The following ELAPOR2 variants were observed in gnomAD, a reference collection of about 807,000 sequenced individuals.
The protein encoded by ELAPOR2 is endosome-lysosome associated apoptosis and autophagy regulator family member 2, also known as endosome/lysosome-associated apoptosis and autophagy regulator family member 2.
A neutral mutation model predicts 120.7 loss-of-function variants in ELAPOR2; 89 were observed. That is an observed-to-expected ratio of 0.74 (90% confidence interval 0.62 to 0.88). ELAPOR2 has a LOEUF of 0.88. Ranked by LOEUF, ELAPOR2 falls within the 40% of genes least tolerant of loss-of-function variation. The pLI, the probability that ELAPOR2 is intolerant of heterozygous loss-of-function variation, is 0.00. For missense variants in ELAPOR2, 1,134 were observed against 1,251.6 expected (o/e 0.91, Z 1.42); for synonymous variants, 444 against 444.9 (o/e 1.00, Z 0.03).
intron 2 of ELAPOR2, among the ~76,000 whole-genome samples, chr7:86,950,006 T>A (rs565642950): frequency 6.6e-6 from 1 of 152,042 alleles, no homozygotes; most frequent in Non-Finnish European, 1.5e-5. Context: ...GTGGTGCTTT[T>A]TCCCCCCAGA....
At chr7:86,947,549 T>C (rs1174207760) in intron 3 of ELAPOR2, among the ~76,000 whole-genome samples, 178 bp downstream of exon 3, 1 of 152,224 alleles carries the variant, frequency 6.6e-6, no homozygotes, top group Non-Finnish European at 1.5e-5. Flanking sequence ...CTGAGGGCAA[T>C]GATTTTAACC....
intron 1 of ELAPOR2, among the ~76,000 whole-genome samples, chr7:87,009,847 T>C (rs1793596948): frequency 6.6e-6 from 1 of 152,182 alleles, no homozygotes; most frequent in South Asian, 2.1e-4. Context: ...ACAACGAGGG[T>C]TATTTGTATG....
At chr7:86,971,524 G>A (rs980549231) in intron 1 of ELAPOR2, among the ~76,000 whole-genome samples, 1 of 152,106 alleles carries the variant, frequency 6.6e-6, no homozygotes, top group Non-Finnish European at 1.5e-5. Flanking sequence ...ATATCTTATT[G>A]TATAAGACAG....
intron 18 of ELAPOR2, among the ~76,000 whole-genome samples, chr7:86,898,428 G>A (rs1407186576): frequency 3.9e-5 from 6 of 152,038 alleles, no homozygotes; most frequent in African/African-American, 7.2e-5. Flanking sequence ...TGACTGCGGT[G>A]GTGGTTGCCC....
chr7:86,912,188 A>G lies in ELAPOR2; in HGVS notation c.2053T>C (p.Leu685=). The change falls in exon 15 of 22, where the codon TTG becomes CTG. Residue 685 remains leucine (L), a synonymous_variant. Transcript: ENST00000450689. Reference sequence around the variant, plus strand: ...CTGAGGTTGCTAAAGTCATAGTGCAAACTCTGATTTTCTTTTTCATGGTAG... The same window carrying G: ...CTGAGGTTGCTAAAGTCATAGTGCAGACTCTGATTTTCTTTTTCATGGTAG... ...FFYHEKENQS[L]HYDFSNLSSV... is the part of the protein sequence containing the mutation. 1 of 1,609,902 alleles carries G rather than the reference A, an allele frequency of 6.2e-7. No homozygotes were observed. The highest frequency in any genetic ancestry group is 8.5e-7 in the Non-Finnish European group (1 of 1,176,594).
At chr7:86,908,118 AAT>A (rs1364029308) in intron 17 of ELAPOR2, among the ~76,000 whole-genome samples, 3 of 151,040 alleles carry the variant, frequency 2.0e-5, no homozygotes, top group Non-Finnish European at 4.4e-5. Context: ...GAGACAATGA[AAT>A]AGAGTCTCTT....
intron 12 of ELAPOR2, among the ~76,000 whole-genome samples, chr7:86,917,827 A>G (rs1789635432): frequency 6.6e-6 from 1 of 152,116 alleles, no homozygotes; most frequent in Admixed American, 6.6e-5. Flanking sequence ...CACAAAAACA[A>G]AGCAGGTCTG....
chr7:86,970,464 G>T (rs942637034), intron 1 of ELAPOR2, among the ~76,000 whole-genome samples: 1 of 152,106 alleles, frequency 6.6e-6, no homozygotes, highest in African/African-American at 2.4e-5. Context: ...AAAGGCTTCC[G>T]AATTTAAGTG....
At chr7:86,948,938 A>C (rs1319822134) in intron 2 of ELAPOR2, among the ~76,000 whole-genome samples, 1 of 152,222 alleles carries the variant, frequency 6.6e-6, no homozygotes. Flanking sequence ...CAGAGTGTAA[A>C]GCAGCAAAGT....
At chr7:87,006,749 A>G (rs1485670177) in intron 1 of ELAPOR2, among the ~76,000 whole-genome samples, 1 of 152,204 alleles carries the variant, frequency 6.6e-6, no homozygotes, top group East Asian at 1.9e-4. Context: ...AGACTTGTAC[A>G]AAAATATTCA....
At chr7:86,963,380 G>GT (rs1350612297) in intron 2 of ELAPOR2, among the ~76,000 whole-genome samples, 1 of 152,168 alleles carries the variant, frequency 6.6e-6, no homozygotes, top group Non-Finnish European at 1.5e-5. Flanking sequence ...AATGTAATCA[G>GT]TGCTATGCTG....
At chr7:86,913,356 G>C in intron 13 of ELAPOR2, 152 bp from the exon 14 acceptor site, 1 of 740,056 alleles carries the variant, frequency 1.4e-6, no homozygotes, top group South Asian at 2.1e-5. Flanking sequence ...CTGCTATTTG[G>C]TTCTTCTTTT....
chr7:86,896,901 C>T (rs1484892961), intron 19 of ELAPOR2, among the ~76,000 whole-genome samples: 1 of 151,966 alleles, frequency 6.6e-6, no homozygotes, highest in Admixed American at 6.6e-5. Context: ...TTCCTTCAGA[C>T]GTTTGCTACA....
rs929019845 is a variant in ELAPOR2, at chr7:86,877,738, A to G, written c.*2733T>C. 4 of 152,184 alleles carry G rather than the reference A, an allele frequency of 2.6e-5. No individual in the cohort carries two copies. The highest frequency in any genetic ancestry group is 4.4e-5 in the Non-Finnish European group (3 of 68,032). The allele number at this position is 152,184 out of a possible 1,614,324, so 9.4% of individuals were successfully genotyped here. ...ACCCCAGATGCTAAAGACTGGACCC[A>G]AGTAATTCTTCCACATAATCAATTT... On this transcript the variant is annotated 3_prime_UTR_variant, in exon 22 of 22. Transcript: ENST00000450689.
At chr7:86,923,156 C>A (rs1789901864) in intron 10 of ELAPOR2, among the ~76,000 whole-genome samples, 1 of 151,832 alleles carries the variant, frequency 6.6e-6, no homozygotes, top group African/African-American at 2.4e-5. Context: ...AATATTACCC[C>A]TTTGAGGTAA....
chr7:87,022,973 T>C (rs1794110474), intron 1 of ELAPOR2, among the ~76,000 whole-genome samples: 1 of 152,232 alleles, frequency 6.6e-6, no homozygotes, highest in Admixed American at 6.5e-5. Context: ...TTCTGGATAT[T>C]AACCCTTTGT....
chr7:86,942,067 G>A lies in ELAPOR2; in HGVS notation c.692C>T (p.Thr231Ile), dbSNP rs951104320. 1.9e-6 allele frequency: 3 copies of A among 1,549,448 alleles called. No individual in the cohort carries two copies. The highest frequency in any genetic ancestry group is 2.7e-5 in the African/African-American group (2 of 72,950). Residue 231 changes from threonine (T) to isoleucine (I), a missense_variant, in exon 5 of 22, where the codon ACT becomes ATT. Physicochemically the swap from Thr to Ile is moderately conservative, Grantham distance 89. Around this residue, in one of 3 missense-constraint regions of ELAPOR2, gnomAD observed 280 missense variants for 331.5 expected, o/e 0.84. Transcript: ENST00000450689. The part of the protein sequence containing the change: ...NDQCQEMDTT[T>I]DKWVKLTDNG... ...GTCTGTAAGTTTTACCCACTTGTCA[G>A]TGGTGGTGTCCATCTCCTGGCACTG...
intron 2 of ELAPOR2, among the ~76,000 whole-genome samples, chr7:86,960,381 G>T (rs1791656080): frequency 6.6e-6 from 1 of 152,130 alleles, no homozygotes. Context: ...CTCCCAAGTA[G>T]CTGGGACTAC....
chr7:86,922,720 G>A (rs1320316342), intron 10 of ELAPOR2, among the ~76,000 whole-genome samples: 1 of 151,718 alleles, frequency 6.6e-6, no homozygotes, highest in Non-Finnish European at 1.5e-5. Flanking sequence ...ATCTACTGTT[G>A]ATTACACATC....
Sources: gnomAD v4.1 joint callset for allele counts (sites outside exome capture counted in the v4.1 genomes callset) on GRCh38, gnomAD v4.1.1 for gene constraint, gnomAD v4.1.1 regional missense constraint, MANE v1.5 for transcripts, NCBI Gene and HGNC (gene_info 2026-07-23, HGNC 2026-07-21) for gene names.